QTMAN: variants seen among roughly 807,000 people sequenced by gnomAD.
The protein encoded by QTMAN is tRNA-queuosine alpha-mannosyltransferase.
At chr2:144,217,242 T>C in the QTMAN span, among the ~76,000 whole-genome samples, 1 of 152,002 alleles carries the variant, frequency 6.6e-6, no homozygotes. Flanking sequence ...GAATACAAAA[T>C]ATAAAGAATA....
the QTMAN span, chr2:143,957,247 T>A: frequency 6.2e-7 from 1 of 1,612,520 alleles, no homozygotes; most frequent in Non-Finnish European, 8.5e-7. Context: ...ACATCAGCCA[T>A]GCACAGTACT....
the QTMAN span, among the ~76,000 whole-genome samples, chr2:144,031,191 A>AT: frequency 1.4e-3 from 203 of 147,196 alleles, no homozygotes; most frequent in African/African-American, 1.9e-3. Flanking sequence ...GACAACTGTT[A>AT]TTTTTTTTTT....
At chr2:144,140,970 G>A in the QTMAN span, among the ~76,000 whole-genome samples, 2 of 152,016 alleles carry the variant, frequency 1.3e-5, no homozygotes, top group East Asian at 1.9e-4. Context: ...GAGGACTACC[G>A]TTTCTACAGC....
chr2:144,097,176 T>C, the QTMAN span, among the ~76,000 whole-genome samples: 8 of 152,268 alleles, frequency 5.3e-5, no homozygotes, highest in African/African-American at 9.6e-5. Flanking sequence ...CCTAATTCTA[T>C]GCTCACAGGA....
At chr2:144,227,133 T>A in the QTMAN span, among the ~76,000 whole-genome samples, 1 of 152,192 alleles carries the variant, frequency 6.6e-6, no homozygotes, top group Non-Finnish European at 1.5e-5. Context: ...ATATGACGCT[T>A]CCAAGGACCT....
At chr2:144,281,885 G>T in the QTMAN span, among the ~76,000 whole-genome samples, 4 of 152,262 alleles carry the variant, frequency 2.6e-5, no homozygotes, top group East Asian at 7.7e-4. Flanking sequence ...AGGTTCAGGG[G>T]TACATGTGCA....
chr2:144,042,210 G>A, the QTMAN span, among the ~76,000 whole-genome samples: 1 of 152,088 alleles, frequency 6.6e-6, no homozygotes, highest in Non-Finnish European at 1.5e-5. Flanking sequence ...AAACACAAAG[G>A]ACTAGGCTGC....
the QTMAN span, among the ~76,000 whole-genome samples, chr2:144,275,385 A>G: frequency 6.8e-6 from 1 of 146,998 alleles, no homozygotes. Flanking sequence ...CTAGGTCTCA[A>G]AAAAAAAAAA....
the QTMAN span, among the ~76,000 whole-genome samples, chr2:144,065,036 G>A: frequency 1.3e-3 from 194 of 152,274 alleles, no homozygotes; most frequent in Non-Finnish European, 2.1e-3. Flanking sequence ...CATGATGGCC[G>A]AACATATCAG....
At chr2:143,945,949 A>G in the QTMAN span, 1 of 152,256 alleles carries the variant, frequency 6.6e-6, no homozygotes, top group African/African-American at 2.4e-5. Flanking sequence ...CTCTGTCACA[A>G]GGAAAACGTT....
the QTMAN span, among the ~76,000 whole-genome samples, chr2:144,277,155 G>C: frequency 3.3e-5 from 5 of 151,786 alleles, no homozygotes; most frequent in Admixed American, 6.6e-5. Context: ...TGATATTCTG[G>C]ATATAATGGG....
chr2:144,244,440 A>AG, the QTMAN span, among the ~76,000 whole-genome samples: 2 of 152,224 alleles, frequency 1.3e-5, no homozygotes, highest in African/African-American at 4.8e-5. Flanking sequence ...ACAGAATACC[A>AG]AACTGTTGGG....
At chr2:144,164,577 T>A in the QTMAN span, among the ~76,000 whole-genome samples, 1 of 152,162 alleles carries the variant, frequency 6.6e-6, no homozygotes, top group Non-Finnish European at 1.5e-5. Context: ...CTTCTACACA[T>A]GAACAGTATG....
the QTMAN span, among the ~76,000 whole-genome samples, chr2:144,133,273 AT>A: frequency 1.4e-5 from 1 of 69,702 alleles, no homozygotes; most frequent in African/African-American, 5.7e-5. Flanking sequence ...ATAAATATAT[AT>A]TTATATATAC....
the QTMAN span, among the ~76,000 whole-genome samples, chr2:144,140,194 A>G: frequency 1.3e-5 from 2 of 152,012 alleles, no homozygotes; most frequent in Non-Finnish European, 2.9e-5. Flanking sequence ...TGGCCACAAT[A>G]TTTCTTAACC....
the QTMAN span, chr2:143,939,343 T>C: frequency 6.6e-6 from 1 of 152,194 alleles, no homozygotes; most frequent in South Asian, 2.1e-4. Flanking sequence ...ATGAGTAGGT[T>C]TTTAAATGCC....
the QTMAN span, among the ~76,000 whole-genome samples, chr2:144,182,874 T>A: frequency 5.2e-5 from 4 of 76,504 alleles, no homozygotes; most frequent in East Asian, 3.0e-4. Context: ...ATATATATAT[T>A]ATATATATAT....
the QTMAN span, among the ~76,000 whole-genome samples, chr2:144,028,723 T>C: frequency 6.6e-6 from 1 of 152,222 alleles, no homozygotes; most frequent in Non-Finnish European, 1.5e-5. Flanking sequence ...ATATACTCTT[T>C]GAAAGAGATA....
the QTMAN span, among the ~76,000 whole-genome samples, chr2:144,008,222 T>C: frequency 0.023 from 3,545 of 152,090 alleles, 53 homozygotes; most frequent in Non-Finnish European, 0.036. Context: ...TCACCGTCTA[T>C]TGGAAAGCAA....
Sources: allele counts gnomAD v4.1 joint callset (sites outside exome capture counted in the v4.1 genomes callset), GRCh38; gene constraint gnomAD v4.1.1; transcripts MANE v1.5; gene names NCBI Gene and HGNC (gene_info 2026-07-23, HGNC 2026-07-21).